The following PPAT variants were observed in gnomAD, a reference collection of about 807,000 sequenced individuals.
PPAT encodes the protein amidophosphoribosyltransferase.
A neutral mutation model predicts 60.2 loss-of-function variants in PPAT; 20 were observed. The observed-to-expected ratio is 0.33, with a 90% CI of 0.23 to 0.48. PPAT has a LOEUF of 0.48. PPAT is among the 20% of genes least tolerant of loss of function. The pLI, the probability that PPAT is intolerant of heterozygous loss-of-function variation, is 0.99. For missense variants in PPAT, 349 were observed against 629.6 expected (o/e 0.55, Z 4.77); for synonymous variants, 194 against 215.1 (o/e 0.90, Z 0.86).
At chr4:56,434,108 G>T (rs1372150591) in intron 1 of PPAT, among the ~76,000 whole-genome samples, 1 of 152,036 alleles carries the variant, frequency 6.6e-6, no homozygotes, top group Non-Finnish European at 1.5e-5. Context: ...AAAAAAACAA[G>T]AAATCTATTA....
chr4:56,419,687 G>A, intron 1 of PPAT: 1 of 983,792 alleles, frequency 1.0e-6, no homozygotes. Flanking sequence ...AAGGAGGAAA[G>A]CACTGGACTG....
chr4:56,398,084 C>T (rs1262449784), intron 9 of PPAT, among the ~76,000 whole-genome samples: 1 of 151,998 alleles, frequency 6.6e-6, no homozygotes, highest in African/African-American at 2.4e-5. Flanking sequence ...TAAAATATAA[C>T]TTGGCCGGGC....
rs1344208532 is a variant in PPAT, at chr4:56,393,395, A to C, written c.*1957T>G. The C allele has an allele frequency of 6.6e-6, 1 of 152,202 alleles. No individual in the cohort carries two copies. Among genetic ancestry groups the C allele is most frequent in the Non-Finnish European group, 1.5e-5 (1 of 68,032 alleles). 9.4% of individuals were successfully genotyped at this position (152,202 alleles called of 1,614,324 possible). A position where few individuals can be genotyped will look rare whatever the true frequency, so the allele number is the denominator to read the frequency against. On this transcript the variant is annotated 3_prime_UTR_variant, in exon 11 of 11. Coordinates refer to ENST00000264220, the MANE Select transcript of PPAT (RefSeq NM_002703.5). ...TACTTATTACACATATTTATCAACA[A>C]GGCATCACAAATAAGTCACAAAAAG...
intron 3 of PPAT, 26 bp from the exon 4 acceptor site, chr4:56,403,427 ATC>A (rs759814592): frequency 6.4e-6 from 10 of 1,561,408 alleles, no homozygotes; most frequent in Non-Finnish European, 7.9e-6. Context: ...GAGAAGTTTA[ATC>A]ATCAGAGGGG....
At chr4:56,416,340 T>C (rs1485625229) in intron 1 of PPAT, 4 of 559,246 alleles carry the variant, frequency 7.2e-6, no homozygotes, top group Non-Finnish European at 9.1e-6. Context: ...AGGAATTCTG[T>C]TATATTTACA....
At chr4:56,421,004 G>A (rs974132829) in intron 1 of PPAT, 1 of 152,198 alleles carries the variant, frequency 6.6e-6, no homozygotes, top group African/African-American at 2.4e-5. Context: ...GGCCTGTTAC[G>A]AACTGGGTTG....
chr4:56,435,469 C>G lies in PPAT; in HGVS notation c.9G>C (p.Leu3=). 1 of 1,613,646 alleles carries G rather than the reference C, an allele frequency of 6.2e-7. No homozygotes were observed. Among genetic ancestry groups the G allele is most frequent in the Non-Finnish European group, 8.5e-7 (1 of 1,179,942 alleles). Residue 3 remains leucine (L), a synonymous_variant, in exon 1 of 11, where the codon CTG becomes CTC. Coordinates refer to ENST00000264220, the MANE Select transcript of PPAT (RefSeq NM_002703.5). ME[L]EELGIREECG... Reference sequence around the variant, plus strand: ...ATTCCTCTCGGATCCCCAACTCCTCCAGCTCCATGTCGCCGCCGAAAGCAC... The same window carrying G: ...ATTCCTCTCGGATCCCCAACTCCTCGAGCTCCATGTCGCCGCCGAAAGCAC...
At chr4:56,409,882 G>A (rs538786278) in intron 1 of PPAT, among the ~76,000 whole-genome samples, 4 of 152,144 alleles carry the variant, frequency 2.6e-5, no homozygotes, top group South Asian at 4.2e-4. Context: ...TTTTATTAAC[G>A]AGAAAAATGA....
At chr4:56,415,043 TAG>T (rs1253595673) in intron 1 of PPAT, among the ~76,000 whole-genome samples, 1 of 152,222 alleles carries the variant, frequency 6.6e-6, no homozygotes, top group East Asian at 1.9e-4. Flanking sequence ...GAAACCCTAA[TAG>T]AGTTTTTAAG....
intron 1 of PPAT, among the ~76,000 whole-genome samples, chr4:56,429,533 A>G (rs1212431165): frequency 1.3e-5 from 2 of 152,204 alleles, no homozygotes; most frequent in South Asian, 2.1e-4. Flanking sequence ...GAAAATGCAC[A>G]TAAGACTAAT....
intron 1 of PPAT, among the ~76,000 whole-genome samples, chr4:56,427,775 C>T (rs1461072614): frequency 1.3e-5 from 2 of 152,122 alleles, no homozygotes; most frequent in African/African-American, 4.8e-5. Flanking sequence ...CCCTGCTGCA[C>T]ATCATCACCC....
At chr4:56,399,117 C>T in intron 9 of PPAT, 62 bp downstream of exon 9, 6 of 1,425,876 alleles carry the variant, frequency 4.2e-6, no homozygotes, top group Non-Finnish European at 5.9e-6. Context: ...CCCTGAATTG[C>T]AATTTTATGC....
At chr4:56,400,473 C>G (rs973292184) in intron 8 of PPAT, 1 of 191,514 alleles carries the variant, frequency 5.2e-6, no homozygotes, top group African/African-American at 2.4e-5. Flanking sequence ...AGGGTTGGCA[C>G]CTTTAACTCC....
intron 1 of PPAT, among the ~76,000 whole-genome samples, chr4:56,409,161 C>A (rs1489505464): frequency 1.3e-5 from 2 of 152,164 alleles, no homozygotes; most frequent in African/African-American, 2.4e-5. Flanking sequence ...GAAGTAGGTA[C>A]TATGATTACC....
intron 1 of PPAT, chr4:56,419,715 C>A (rs542022090): frequency 1.2e-5 from 12 of 981,216 alleles, no homozygotes; most frequent in Non-Finnish European, 1.3e-5. Flanking sequence ...AGTCAGGGCT[C>A]TAATAGACAT....
intron 1 of PPAT, 92 bp downstream of exon 1, chr4:56,435,258 G>A (rs989662198): frequency 1.9e-6 from 3 of 1,566,382 alleles, no homozygotes; most frequent in Non-Finnish European, 2.6e-6. Context: ...CGGTCCTCCC[G>A]GGCCCTCGGG....
intron 1 of PPAT, 114 bp downstream of exon 1, chr4:56,435,236 G>T (rs978764227): frequency 1.9e-5 from 28 of 1,480,224 alleles, no homozygotes; most frequent in South Asian, 2.5e-5. Flanking sequence ...TACTGGCTTA[G>T]GTCGGAGAGG....
chr4:56,395,124 T>G lies in PPAT; in HGVS notation c.*228A>C, dbSNP rs938369209. On this transcript the variant is annotated 3_prime_UTR_variant, in exon 11 of 11. Coordinates refer to ENST00000264220, the MANE Select transcript of PPAT (RefSeq NM_002703.5). ...CAGGTTAAAAAGGCTAGCCAATGCT[T>G]GTGTAAAAAAAAGAACACCACATAT... The G allele has an allele frequency of 2.3e-6, 1 of 426,736 alleles. No homozygotes were observed. The highest frequency in any genetic ancestry group is 2.1e-5 in the African/African-American group (1 of 47,330). 26.4% of individuals were successfully genotyped at this position (426,736 alleles called of 1,614,324 possible). A position where few individuals can be genotyped will look rare whatever the true frequency, so the allele number is the denominator to read the frequency against.
At chr4:56,417,841 T>C (rs1458742742) in intron 1 of PPAT, among the ~76,000 whole-genome samples, 1 of 96,416 alleles carries the variant, frequency 1.0e-5, no homozygotes, top group Non-Finnish European at 2.1e-5. Flanking sequence ...TTTGGTTTTT[T>C]GTTTTTTTTT....
Sources: gnomAD v4.1 joint callset for allele counts (sites outside exome capture counted in the v4.1 genomes callset) on GRCh38, gnomAD v4.1.1 for gene constraint, MANE v1.5 for transcripts, NCBI Gene and HGNC (gene_info 2026-07-23, HGNC 2026-07-21) for gene names.